Variants in HEG1 observed in about 807,000 individuals in gnomAD.
HEG1 encodes heart development protein with EGF like domains 1.
A neutral mutation model predicts 125.6 loss-of-function variants in HEG1; 56 were observed. The observed-to-expected ratio is 0.45, with a 90% CI of 0.36 to 0.56. HEG1 has a LOEUF of 0.56. Among genes scored for constraint, HEG1 ranks in the 20% least tolerant of loss-of-function variants. The probability of loss-of-function intolerance (pLI) is 0.00; values close to 1 mark genes in which losing one functional copy is unlikely to be tolerated. For missense variants in HEG1, 1,523 were observed against 1,670.0 expected, an observed-to-expected ratio of 0.91 and a Z score of 1.53; for synonymous variants, 644 against 668.5, an observed-to-expected ratio of 0.96 and a Z score of 0.57.
intron 5 of HEG1, among the ~76,000 whole-genome samples, chr3:125,017,865 A>G (rs946686088): frequency 8.1e-6 from 1 of 123,412 alleles, no homozygotes; most frequent in Middle Eastern, 3.9e-3. Context: ...CTGAAAATAT[A>G]AAAAAAAAAA....
intron 12 of HEG1, among the ~76,000 whole-genome samples, chr3:124,995,411 C>G (rs1294218359): frequency 6.6e-6 from 1 of 152,174 alleles, no homozygotes; most frequent in Non-Finnish European, 1.5e-5. Flanking sequence ...GAAAGTCTGG[C>G]AAAGACATTT....
chr3:124,998,843 G>A (rs1417549414), intron 11 of HEG1, among the ~76,000 whole-genome samples: 2 of 152,146 alleles, frequency 1.3e-5, no homozygotes, highest in African/African-American at 4.8e-5. Context: ...GCAGGGCAAG[G>A]CAAGCTAGAT....
At chr3:124,976,882 C>T (rs75092517) in intron 15 of HEG1, among the ~76,000 whole-genome samples, 4,300 of 152,242 alleles carry the variant, frequency 0.028, 98 homozygotes, top group Middle Eastern at 0.054. Flanking sequence ...CAGATACAGA[C>T]GCCCAATCTC....
intron 16 of HEG1, chr3:124,971,047 ATAAGGTCC>A: frequency 1.7e-6 from 1 of 590,816 alleles, no homozygotes; most frequent in South Asian, 1.6e-5. Flanking sequence ...ACTGACCTTT[ATAAGGTCC>A]TACGACCATC....
chr3:124,989,578 A>T (rs1053942287), intron 14 of HEG1, among the ~76,000 whole-genome samples: 1 of 152,202 alleles, frequency 6.6e-6, no homozygotes, highest in African/African-American at 2.4e-5. Context: ...AGCAATCTTA[A>T]ATGAATCACA....
At position 125,019,246 on chromosome 3, in the gene HEG1, A is replaced by C. The variant is rs1417686920; in HGVS notation, c.1588+16T>G. On this transcript the variant is annotated intron_variant, in intron 5 of 16. Coordinates refer to ENST00000311127, the MANE Select transcript of HEG1 (RefSeq NM_020733.2). ...CTCCTCTATGGGGCACAGTTGCATG[A>C]AATGGAAAAACTCACTCGAACGTTC... The C allele has an allele frequency of 6.3e-7, 1 of 1,596,780 alleles. No individual in the cohort carries two copies.
rs1246026510 is a variant in HEG1, at chr3:124,975,025, T to C, written c.3822-1120A>G. Reference sequence around the variant, plus strand: ...TAGCAAATATGAGGCTTCTGTCCCTTGAGCGCTCAGGTTATGTCCCTCTAG... The same window carrying C: ...TAGCAAATATGAGGCTTCTGTCCCTCGAGCGCTCAGGTTATGTCCCTCTAG... On this transcript the variant is annotated intron_variant, in intron 15 of 16. Transcript: ENST00000311127. 2.0e-5 allele frequency among the ~76,000 whole-genome samples: 3 copies of C among 152,350 alleles called. No individual in the cohort carries two copies. The East Asian group carries it at 5.8e-4, about 29-fold the overall frequency.
In HEG1 at chr3:125,020,988, A is replaced by G; in HGVS notation, c.1056T>C (p.Pro352=). The stretch of plus-strand genomic sequence containing the variant: ...TGGGGAAGCCTTCTGTCTTGCTCAC[A>G]GGTCCCAGACTGACCGTCAAAGATC... ...TLRSLTVSLG[P]VSKTEGFPKD... The change falls in exon 4 of 17, where the codon CCT becomes CCC. Residue 352 remains proline (P), a synonymous_variant. Coordinates refer to ENST00000311127, the MANE Select transcript of HEG1 (RefSeq NM_020733.2). 1 of 1,613,938 alleles carries G rather than the reference A, an allele frequency of 6.2e-7. No individual in the cohort carries two copies.
chr3:125,043,897 G>A (rs1480594357), intron 1 of HEG1, among the ~76,000 whole-genome samples: 2 of 152,194 alleles, frequency 1.3e-5, no homozygotes, highest in East Asian at 1.9e-4. Flanking sequence ...GTGCAGGAGG[G>A]GCGGGAGGAA....
At chr3:125,006,124 G>C (rs905013844) in intron 8 of HEG1, among the ~76,000 whole-genome samples, 1 of 152,182 alleles carries the variant, frequency 6.6e-6, no homozygotes, top group African/African-American at 2.4e-5. Flanking sequence ...CAAGGGACTT[G>C]AGAGAAAGAA....
intron 1 of HEG1, among the ~76,000 whole-genome samples, chr3:125,038,162 C>T (rs952312161): frequency 1.3e-5 from 2 of 152,204 alleles, no homozygotes; most frequent in African/African-American, 4.8e-5. Flanking sequence ...ACCAGAGTGG[C>T]CCCAGGCTCC....
rs1187798363 is a variant in HEG1 at position 124,969,368 on chromosome 3, G to A, written c.*1284C>T. On this transcript the variant is annotated 3_prime_UTR_variant, in exon 17 of 17. Transcript: ENST00000311127. The stretch of plus-strand genomic sequence containing the variant: ...CCCTCAGTTCCTCGACCAACCGGAA[G>A]TCTTCAGTTCTCCCACACTGACTGG... The A allele has an allele frequency of 1.3e-5, 2 of 152,208 alleles. No homozygotes were observed. Among genetic ancestry groups the A allele is most frequent in the African/African-American group, 4.8e-5 (2 of 41,452 alleles). 9.4% of individuals were successfully genotyped at this position (152,208 alleles called of 1,614,324 possible).
chr3:125,024,318 C>A (rs1485596918), intron 3 of HEG1, among the ~76,000 whole-genome samples: 1 of 152,164 alleles, frequency 6.6e-6, no homozygotes, highest in Non-Finnish European at 1.5e-5. Flanking sequence ...TATCTGAAAA[C>A]AATTGCATGC....
In HEG1 at chr3:125,004,633, G is replaced by A. The variant is rs759813244; in HGVS notation, c.3297+632C>T. On this transcript the variant is annotated intron_variant, in intron 9 of 16. Coordinates refer to ENST00000311127, the MANE Select transcript of HEG1 (RefSeq NM_020733.2). ...GCCTCCTGAGTAGCTGGGACCACAC[G>A]TGCACGCCACCAACCCTAGCTAACT... is the stretch of plus-strand genomic sequence containing the variant. Among the ~76,000 whole-genome samples, 5 of 151,798 alleles carry A rather than the reference G, an allele frequency of 3.3e-5. No individual in the cohort carries two copies. The East Asian group carries it at 5.8e-4, about 18-fold the overall frequency.
At chr3:124,977,723 T>C in intron 15 of HEG1, 136 bp downstream of exon 15, 1 of 475,466 alleles carries the variant, frequency 2.1e-6, no homozygotes, top group Non-Finnish European at 3.6e-6. Flanking sequence ...CCTTTCTCCT[T>C]TTTTAAAAAT....
intron 5 of HEG1, chr3:125,014,918 G>A (rs1161114498): frequency 1.6e-6 from 2 of 1,289,856 alleles, no homozygotes; most frequent in Admixed American, 2.3e-5. Flanking sequence ...TAGCCAAGGT[G>A]TGGGTGCCGA....
chr3:125,038,923 C>T (rs1420233464), intron 1 of HEG1, among the ~76,000 whole-genome samples: 3 of 152,076 alleles, frequency 2.0e-5, no homozygotes, highest in African/African-American at 7.2e-5. Context: ...GAGGGGGCAC[C>T]CTGGAGGCTT....
chr3:125,006,435 TG>T (rs1418403696), intron 8 of HEG1, among the ~76,000 whole-genome samples: 1 of 152,154 alleles, frequency 6.6e-6, no homozygotes, highest in African/African-American at 2.4e-5. Context: ...TCCCTCCGGA[TG>T]GAAAACAAAT....
rs1481023063 is a variant in HEG1 at position 125,030,430 on chromosome 3, A to G, written c.317-942T>C. 2.0e-5 allele frequency among the ~76,000 whole-genome samples: 3 copies of G among 152,322 alleles called. No individual in the cohort carries two copies. In the East Asian group the frequency reaches 5.8e-4, roughly 29 times the overall value. ...CAGCATTGTTTACAGTAGAAAGAGGAAGAGAAAGAACAAACCTAAAACTCC... is the reference window on the plus strand; with the variant it reads ...CAGCATTGTTTACAGTAGAAAGAGGGAGAGAAAGAACAAACCTAAAACTCC... On this transcript the variant is annotated intron_variant, in intron 1 of 16. Coordinates refer to ENST00000311127, the MANE Select transcript of HEG1 (RefSeq NM_020733.2).
Sources: gnomAD v4.1 joint callset for allele counts (sites outside exome capture counted in the v4.1 genomes callset) on GRCh38, gnomAD v4.1.1 for gene constraint, MANE v1.5 for transcripts, NCBI Gene and HGNC (gene_info 2026-07-23, HGNC 2026-07-21) for gene names.